The following MAP3K5 variants were observed in gnomAD, a reference collection of about 807,000 sequenced individuals.
MAP3K5 encodes ASK-1.
Under a neutral mutation model 158.7 loss-of-function variants are expected in MAP3K5, and 56 were observed. The observed-to-expected ratio is 0.35, with a 90% CI of 0.28 to 0.44. The LOEUF (loss-of-function observed/expected upper bound fraction) is 0.44, where lower values mean the gene tolerates loss of function less well. MAP3K5 is among the 20% of genes least tolerant of loss of function. The pLI is 1.00. For missense variants in MAP3K5, 1,294 were observed against 1,674.8 expected, an observed-to-expected ratio of 0.77 and a Z score of 3.97; for synonymous variants, 579 against 601.7, an observed-to-expected ratio of 0.96 and a Z score of 0.55.
chr6:136,786,983 T>C (rs1358918074), intron 1 of MAP3K5, among the ~76,000 whole-genome samples: 1 of 152,080 alleles, frequency 6.6e-6, no homozygotes, highest in African/African-American at 2.4e-5. Context: ...TATTCGAACA[T>C]CACTGTTTCC....
intron 21 of MAP3K5, among the ~76,000 whole-genome samples, chr6:136,600,395 T>C (rs1286879459): frequency 4.6e-5 from 7 of 151,966 alleles, no homozygotes; most frequent in African/African-American, 1.2e-4. Flanking sequence ...GGTCTCACCA[T>C]ATTGCCCAGG....
chr6:136,728,116 GGTTT>G (rs1420425901), intron 1 of MAP3K5, among the ~76,000 whole-genome samples: 1 of 152,086 alleles, frequency 6.6e-6, no homozygotes, highest in African/African-American at 2.4e-5. Flanking sequence ...GTTTATCAGG[GGTTT>G]GTTAAAGCAT....
At chr6:136,742,676 C>CA (rs1272234132) in intron 1 of MAP3K5, among the ~76,000 whole-genome samples, 51 of 151,400 alleles carry the variant, frequency 3.4e-4, no homozygotes, top group Admixed American at 3.1e-3. Context: ...TTCTGCTCAG[C>CA]AAAAAAAATT....
intron 1 of MAP3K5, among the ~76,000 whole-genome samples, chr6:136,768,136 A>G (rs1214947058): frequency 6.6e-6 from 1 of 152,320 alleles, no homozygotes; most frequent in Admixed American, 6.5e-5. Context: ...TCTCTGTGAC[A>G]TTGAATTGGG....
At chr6:136,559,384 AAAAAC>A (rs879365704) in intron 28 of MAP3K5, among the ~76,000 whole-genome samples, 13,121 of 125,636 alleles carry the variant, frequency 0.1, 1,245 homozygotes, top group East Asian at 0.26. Flanking sequence ...AAACAAAAAC[AAAAAC>A]AAGAAATGCA....
At chr6:136,779,299 C>G (rs758806978) in intron 1 of MAP3K5, among the ~76,000 whole-genome samples, 1 of 151,222 alleles carries the variant, frequency 6.6e-6, no homozygotes, top group Non-Finnish European at 1.5e-5. Context: ...AAAAATTAGC[C>G]CAGTGTGGTG....
chr6:136,657,403 T>C (rs1167783632), intron 9 of MAP3K5, among the ~76,000 whole-genome samples: 1 of 152,182 alleles, frequency 6.6e-6, no homozygotes, highest in Non-Finnish European at 1.5e-5. Flanking sequence ...CATAGAATAG[T>C]GCCTGTTTTC....
At chr6:136,596,952 C>A (rs138278416) in intron 21 of MAP3K5, among the ~76,000 whole-genome samples, 1 of 152,224 alleles carries the variant, frequency 6.6e-6, no homozygotes, top group Admixed American at 6.5e-5. Context: ...AGCTCATACA[C>A]GTGAGTGATT....
chr6:136,611,164 AGAT>A, intron 18 of MAP3K5, 115 bp downstream of exon 18: 2 of 503,388 alleles, frequency 4.0e-6, no homozygotes, highest in South Asian at 3.8e-5. Flanking sequence ...GAAAGAAAAA[AGAT>A]ACCAACATTA....
At chr6:136,767,617 CAAAA>C (rs1475528945) in intron 1 of MAP3K5, among the ~76,000 whole-genome samples, 1 of 151,904 alleles carries the variant, frequency 6.6e-6, no homozygotes, top group African/African-American at 2.4e-5. Context: ...AATGTCATGA[CAAAA>C]GAAAGAATAT....
chr6:136,694,692 T>C (rs1020426172), intron 6 of MAP3K5, among the ~76,000 whole-genome samples: 2 of 152,216 alleles, frequency 1.3e-5, no homozygotes, highest in African/African-American at 4.8e-5. Context: ...GACAAAACCC[T>C]GACCTTAGGT....
At chr6:136,663,033 T>C (rs1446266890) in intron 8 of MAP3K5, among the ~76,000 whole-genome samples, 2 of 152,230 alleles carry the variant, frequency 1.3e-5, no homozygotes, top group Admixed American at 6.5e-5. Context: ...AAGGCTGTTT[T>C]AGTGGAAAAT....
intron 10 of MAP3K5, among the ~76,000 whole-genome samples, chr6:136,654,766 T>C (rs918490466): frequency 6.6e-6 from 1 of 150,736 alleles, no homozygotes; most frequent in African/African-American, 2.4e-5. Flanking sequence ...TTATTTTGCT[T>C]ATCACTTTAT....
intron 8 of MAP3K5, among the ~76,000 whole-genome samples, chr6:136,665,109 A>G (rs1242153115): frequency 1.3e-5 from 2 of 152,164 alleles, no homozygotes; most frequent in South Asian, 4.1e-4. Flanking sequence ...CTAACAAGTT[A>G]TCTATGAGTT....
At chr6:136,698,778 G>A in intron 3 of MAP3K5, 96 bp from the exon 4 acceptor site, 3 of 815,902 alleles carry the variant, frequency 3.7e-6, no homozygotes, top group Non-Finnish European at 3.8e-6. Context: ...AATTCCAAAT[G>A]CAAAGGGAAA....
chr6:136,746,570 C>T (rs949741389), intron 1 of MAP3K5, among the ~76,000 whole-genome samples: 1 of 152,114 alleles, frequency 6.6e-6, no homozygotes, highest in African/African-American at 2.4e-5. Context: ...GCTATGGCCC[C>T]ACCACACAGA....
chr6:136,720,003 T>G (rs1781683286), intron 2 of MAP3K5, among the ~76,000 whole-genome samples: 1 of 152,192 alleles, frequency 6.6e-6, no homozygotes, highest in Non-Finnish European at 1.5e-5. Flanking sequence ...CATCTTAGTT[T>G]AAATCATACC....
rs117511766 is a variant in MAP3K5 at position 136,685,545 on chromosome 6, G to C, written c.1253+8595C>G. ...ATTAATATTATTAAAAAAGAGAATT[G>C]CAGAAAGAGTTCGATGAGCCATTGT... On this transcript the variant is annotated intron_variant, in intron 7 of 29. Coordinates refer to ENST00000359015, the MANE Select transcript of MAP3K5 (RefSeq NM_005923.4). Among the ~76,000 whole-genome samples the C allele has an allele frequency of 2.1e-3, 314 of 152,204 alleles. 10 individuals are homozygous for C. In the East Asian group the frequency reaches 0.034, roughly 17 times the overall value.
At chr6:136,790,969 T>C (rs539265768) in intron 1 of MAP3K5, among the ~76,000 whole-genome samples, 1 of 152,028 alleles carries the variant, frequency 6.6e-6, no homozygotes, top group East Asian at 1.9e-4. Context: ...GAAACTAATC[T>C]TATTATTAGG....
Sources: gnomAD v4.1 joint callset for allele counts (sites outside exome capture counted in the v4.1 genomes callset) on GRCh38, gnomAD v4.1.1 for gene constraint, MANE v1.5 for transcripts, NCBI Gene and HGNC (gene_info 2026-07-23, HGNC 2026-07-21) for gene names.